GALK2: variants seen among roughly 807,000 people sequenced by gnomAD.
The protein encoded by GALK2 is galactokinase 2, also known as N-acetylgalactosamine kinase.
A neutral mutation model predicts 52.4 loss-of-function variants in GALK2; 36 were observed. That is an observed-to-expected ratio of 0.69 (90% CI 0.53 to 0.91). The LOEUF (loss-of-function observed/expected upper bound fraction) is 0.91. GALK2 is among the 40% of genes least tolerant of loss of function. GALK2 has a pLI of 0.00. For missense variants in GALK2, 579 were observed against 559.1 expected, an observed-to-expected ratio of 1.04 and a Z score of -0.36; for synonymous variants, 176 against 199.1, an observed-to-expected ratio of 0.88 and a Z score of 0.98.
intron 3 of GALK2, among the ~76,000 whole-genome samples, chr15:49,229,598 G>T (rs1477670869): frequency 3.3e-5 from 5 of 152,154 alleles, no homozygotes; most frequent in African/African-American, 1.2e-4. Flanking sequence ...TTAGTACCCT[G>T]GATTGTATGC....
At position 49,235,831 on chromosome 15, in the gene GALK2, G is replaced by T; in HGVS notation, c.267-20G>T. The T allele has an allele frequency of 6.5e-7, 1 of 1,545,444 alleles. No individual in the cohort carries two copies. The highest frequency in any genetic ancestry group is 1.4e-5 in the African/African-American group (1 of 73,290). ...CAAGGCCTACAGATTTTAAATTAAT[G>T]GTGTCTTTTGTCTTCGCAGGGACTT... On this transcript the variant is annotated intron_variant, in intron 3 of 9. Coordinates refer to ENST00000560031, the MANE Select transcript of GALK2 (RefSeq NM_002044.4).
intron 1 of GALK2, among the ~76,000 whole-genome samples, chr15:49,196,820 G>A (rs562832351): frequency 6.6e-5 from 10 of 152,212 alleles, no homozygotes; most frequent in Admixed American, 3.3e-4. Flanking sequence ...TTTGATTTGT[G>A]GCTCTCAGCA....
chr15:49,189,461 G>A (rs1039359547), intron 1 of GALK2, among the ~76,000 whole-genome samples: 1 of 152,148 alleles, frequency 6.6e-6, no homozygotes, highest in South Asian at 2.1e-4. Context: ...AGATAGTACC[G>A]AATCCTATAT....
chr15:49,200,309 A>G (rs956428817), intron 1 of GALK2, among the ~76,000 whole-genome samples: 1 of 152,226 alleles, frequency 6.6e-6, no homozygotes, highest in African/African-American at 2.4e-5. Flanking sequence ...TTAGAATTAG[A>G]ACTGTGGTTT....
At chr15:49,339,010 T>TC (rs1384969435) in intron 3 of GALK2, among the ~76,000 whole-genome samples, 1 of 152,188 alleles carries the variant, frequency 6.6e-6, no homozygotes, top group Non-Finnish European at 1.5e-5. Flanking sequence ...AAACTGGTTA[T>TC]CCTAGTTAGC....
intron 5 of GALK2, among the ~76,000 whole-genome samples, chr15:49,278,089 C>T (rs1264323036): frequency 2.6e-5 from 4 of 151,546 alleles, no homozygotes; most frequent in Non-Finnish European, 1.5e-5. Context: ...GGTGAAACCC[C>T]GTCTCTACTA....
At chr15:49,337,946 A>C (rs1232848367) in intron 3 of GALK2, among the ~76,000 whole-genome samples, 1 of 152,152 alleles carries the variant, frequency 6.6e-6, no homozygotes, top group Non-Finnish European at 1.5e-5. Flanking sequence ...GCTATTGTGA[A>C]CACTGCCGCA....
chr15:49,278,559 T>C (rs1178819633), intron 5 of GALK2, among the ~76,000 whole-genome samples: 1 of 152,256 alleles, frequency 6.6e-6, no homozygotes, highest in Non-Finnish European at 1.5e-5. Context: ...ATTTGAAGTT[T>C]TAAACTTTAG....
In GALK2 at chr15:49,316,476, T is replaced by TA. The variant is rs1158178187; in HGVS notation, c.968-3127dup. On this transcript the variant is annotated intron_variant, in intron 8 of 9. Coordinates refer to ENST00000560031, the MANE Select transcript of GALK2 (RefSeq NM_002044.4). ...ATGGGGGCCTGTAGTGGGGTGGGGG[T>TA]AGGGGGGAGGGATAGCATTAGGAGA... 2.5e-5 allele frequency among the ~76,000 whole-genome samples: 3 copies of TA among 122,040 alleles called. No homozygotes were observed. In the Admixed American group the frequency reaches 2.9e-4, roughly 12 times the overall value. The allele number at this position is 122,040 out of a possible 152,430, so 80.1% of individuals were successfully genotyped here. A position where few individuals can be genotyped will look rare whatever the true frequency, so the allele number is the denominator to read the frequency against.
intron 7 of GALK2, among the ~76,000 whole-genome samples, chr15:49,287,086 A>C (rs2033450358): frequency 6.6e-6 from 1 of 152,172 alleles, no homozygotes; most frequent in South Asian, 2.1e-4. Context: ...GTTAACTAGA[A>C]AAAGGGCATC....
intron 7 of GALK2, among the ~76,000 whole-genome samples, chr15:49,291,988 A>C (rs529189137): frequency 2.0e-5 from 3 of 152,218 alleles, no homozygotes; most frequent in Non-Finnish European, 4.4e-5. Context: ...CATGAACTGA[A>C]TAAGGATAAA....
chr15:49,300,277 C>A (rs182510657), intron 8 of GALK2, among the ~76,000 whole-genome samples: 1 of 151,954 alleles, frequency 6.6e-6, no homozygotes. Context: ...TTTTTGTCTT[C>A]TGTTTGCTTG....
chr15:49,242,625 A>G (rs1048323915), intron 5 of GALK2, among the ~76,000 whole-genome samples: 1 of 152,224 alleles, frequency 6.6e-6, no homozygotes, highest in Non-Finnish European at 1.5e-5. Flanking sequence ...ATGGGATATA[A>G]TAAGTAGATG....
intron 9 of GALK2, among the ~76,000 whole-genome samples, chr15:49,322,680 G>A (rs2036977832): frequency 6.6e-6 from 1 of 152,038 alleles, no homozygotes; most frequent in African/African-American, 2.4e-5. Context: ...TTCTCTTGCC[G>A]GGCCCAATTG....
At chr15:49,282,772 G>C (rs2032878538) in intron 6 of GALK2, among the ~76,000 whole-genome samples, 1 of 152,134 alleles carries the variant, frequency 6.6e-6, no homozygotes, top group Admixed American at 6.5e-5. Context: ...TATTTTCCAA[G>C]AACACCTGGA....
intron 5 of GALK2, among the ~76,000 whole-genome samples, chr15:49,279,184 T>C (rs1452396675): frequency 6.6e-6 from 1 of 152,178 alleles, no homozygotes; most frequent in Non-Finnish European, 1.5e-5. Context: ...GAGAAATAAA[T>C]AATTCAGGCA....
At chr15:49,284,236 C>T (rs1017731169) in intron 7 of GALK2, among the ~76,000 whole-genome samples, 3 of 152,116 alleles carry the variant, frequency 2.0e-5, no homozygotes, top group Non-Finnish European at 4.4e-5. Context: ...AAAACTGCCA[C>T]AGTTAAACCT....
intron 3 of GALK2, among the ~76,000 whole-genome samples, chr15:49,232,786 A>G (rs1443850504): frequency 6.6e-6 from 1 of 152,126 alleles, no homozygotes; most frequent in Non-Finnish European, 1.5e-5. Flanking sequence ...CTCTTTGTTA[A>G]TGCATAACAA....
At chr15:49,205,304 C>T (rs1347107990) in intron 2 of GALK2, among the ~76,000 whole-genome samples, 1 of 152,184 alleles carries the variant, frequency 6.6e-6, no homozygotes, top group African/African-American at 2.4e-5. Flanking sequence ...GGAATCTCCA[C>T]ACTGTTTTCC....
Sources: gnomAD v4.1 joint callset for allele counts (sites outside exome capture counted in the v4.1 genomes callset) on GRCh38, gnomAD v4.1.1 for gene constraint, MANE v1.5 for transcripts, NCBI Gene and HGNC (gene_info 2026-07-23, HGNC 2026-07-21) for gene names.